FBN2: variants seen among roughly 807,000 people sequenced by gnomAD.
FBN2 encodes fibrillin-2.
FBN2 carries 105 observed loss-of-function variants against 355.6 expected under a neutral mutation model. The observed-to-expected ratio is 0.30, with a 90% CI of 0.25 to 0.35. The LOEUF (loss-of-function observed/expected upper bound fraction) is 0.35. FBN2 is among the 10% of genes least tolerant of loss of function. The pLI, the probability that FBN2 is intolerant of heterozygous loss-of-function variation, is 1.00. For synonymous variants in FBN2, 1,350 were observed against 1,301.2 expected (o/e 1.04, Z -0.81); for missense variants, 3,280 against 3,758.7 (o/e 0.87, Z 3.33).
intron 6 of FBN2, among the ~76,000 whole-genome samples, chr5:128,463,432 ATG>A (rs1361429032): frequency 2.0e-5 from 3 of 152,144 alleles, no homozygotes; most frequent in Admixed American, 1.3e-4. Context: ...CAGCTCACAT[ATG>A]TGAGCTTTCA....
chr5:128,291,906 C>T (rs1475881328), intron 48 of FBN2, among the ~76,000 whole-genome samples: 1 of 152,124 alleles, frequency 6.6e-6, no homozygotes, highest in Non-Finnish European at 1.5e-5. Context: ...TGTATGTCTA[C>T]CTGCCTACCT....
intron 21 of FBN2, among the ~76,000 whole-genome samples, chr5:128,350,320 G>T (rs1441171761): frequency 1.3e-5 from 2 of 152,316 alleles, no homozygotes; most frequent in African/African-American, 4.8e-5. Context: ...AGCACTTTGG[G>T]AGGGTGGATT....
chr5:128,452,883 T>C (rs1291840940), intron 6 of FBN2, among the ~76,000 whole-genome samples: 2 of 152,142 alleles, frequency 1.3e-5, no homozygotes, highest in Non-Finnish European at 2.9e-5. Flanking sequence ...TCATCCCTCC[T>C]CTCAGCCTCC....
Position 128,537,448 on chromosome 5 carries a change from T to C in FBN2, c.156A>G (p.Ala52=). 1.2e-6 allele frequency: 2 copies of C among 1,608,008 alleles called. No homozygotes were observed. Among genetic ancestry groups the C allele is most frequent in the Non-Finnish European group, 1.7e-6 (2 of 1,178,384 alleles). Residue 52 remains alanine, a synonymous_variant, in exon 1 of 65, where the codon GCA becomes GCG. Coordinates refer to ENST00000262464, the MANE Select transcript of FBN2 (RefSeq NM_001999.4). The stretch of plus-strand genomic sequence containing the variant: ...GCGCTAGAAACCCGCCTTCAGAGCC[T>C]GCTGTAGCGGACCGAACCTGTTGCG... The part of the protein sequence containing the change: ...PPPQQVRSAT[A]GSEGGFLAPE...
chr5:128,513,097 G>C (rs188534204), intron 5 of FBN2, among the ~76,000 whole-genome samples: 12 of 152,262 alleles, frequency 7.9e-5, no homozygotes, highest in Middle Eastern at 3.4e-3. Flanking sequence ...CATGTGTCAG[G>C]CACACTGCCT....
intron 63 of FBN2, among the ~76,000 whole-genome samples, chr5:128,262,421 G>T (rs1764998764): frequency 6.6e-6 from 1 of 152,118 alleles, no homozygotes; most frequent in African/African-American, 2.4e-5. Flanking sequence ...TCTTCTGAGG[G>T]TGAGCCCCAT....
chr5:128,441,477 T>A (rs546294946), intron 7 of FBN2, among the ~76,000 whole-genome samples: 3 of 152,348 alleles, frequency 2.0e-5, no homozygotes, highest in Admixed American at 2.0e-4. Flanking sequence ...TTACTTGGCC[T>A]CTTTGTGCCT....
intron 5 of FBN2, among the ~76,000 whole-genome samples, chr5:128,473,338 C>T: frequency 6.6e-6 from 1 of 152,176 alleles, no homozygotes. Context: ...TGAATTTTGA[C>T]AGCAACTCAT....
At chr5:128,335,371 G>T in intron 29 of FBN2, 76 bp from the exon 30 acceptor site, 1 of 1,611,182 alleles carries the variant, frequency 6.2e-7, no homozygotes, top group South Asian at 1.1e-5. Flanking sequence ...TTTTCTATCT[G>T]GTTCCACTTG....
At chr5:128,381,064 A>C (rs947737830) in intron 11 of FBN2, among the ~76,000 whole-genome samples, 3 of 152,092 alleles carry the variant, frequency 2.0e-5, no homozygotes, top group Non-Finnish European at 4.4e-5. Context: ...CCAACTTAGA[A>C]AAGGCTTTGT....
chr5:128,456,338 G>A (rs331067), intron 6 of FBN2, among the ~76,000 whole-genome samples: 20,716 of 152,176 alleles, frequency 0.14, 2,472 homozygotes, highest in East Asian at 0.67. Flanking sequence ...CTGCAGTCTC[G>A]GGATCAGCAG....
chr5:128,294,173 T>A (rs1395577893), intron 48 of FBN2, among the ~76,000 whole-genome samples: 1 of 152,202 alleles, frequency 6.6e-6, no homozygotes, highest in African/African-American at 2.4e-5. Flanking sequence ...GAACTCATCA[T>A]TTTTTATGGC....
chr5:128,361,481 G>A (rs957625991), intron 19 of FBN2, among the ~76,000 whole-genome samples: 11 of 152,014 alleles, frequency 7.2e-5, no homozygotes, highest in African/African-American at 2.7e-4. Flanking sequence ...TTTTTTATCC[G>A]CTTTAAAATG....
At chr5:128,494,070 G>T (rs1401431428) in intron 5 of FBN2, among the ~76,000 whole-genome samples, 1 of 152,154 alleles carries the variant, frequency 6.6e-6, no homozygotes, top group Non-Finnish European at 1.5e-5. Flanking sequence ...TTAAGCTGGA[G>T]ACACAGATAT....
At chr5:128,270,579 A>C (rs1190801424) in intron 62 of FBN2, among the ~76,000 whole-genome samples, 1 of 152,220 alleles carries the variant, frequency 6.6e-6, no homozygotes, top group Non-Finnish European at 1.5e-5. Context: ...ATCATTCAGG[A>C]CACAGGCATG....
intron 19 of FBN2, 129 bp downstream of exon 19, chr5:128,361,594 T>G (rs1751638797): frequency 8.3e-7 from 1 of 1,200,666 alleles, no homozygotes; most frequent in Non-Finnish European, 1.2e-6. Context: ...GCAGATTAGC[T>G]AAATGAGATT....
intron 26 of FBN2, among the ~76,000 whole-genome samples, chr5:128,338,472 A>C (rs1020567730): frequency 6.6e-6 from 1 of 152,176 alleles, no homozygotes; most frequent in Non-Finnish European, 1.5e-5. Flanking sequence ...AGAATCTTAG[A>C]CTTATAACCT....
intron 19 of FBN2, among the ~76,000 whole-genome samples, chr5:128,358,978 T>C (rs1458084955): frequency 6.6e-6 from 1 of 152,046 alleles, no homozygotes; most frequent in East Asian, 1.9e-4. Flanking sequence ...AACCAGGAAT[T>C]GAAACAGTTC....
At chr5:128,433,856 T>C (rs549919013) in intron 7 of FBN2, among the ~76,000 whole-genome samples, 1 of 152,296 alleles carries the variant, frequency 6.6e-6, no homozygotes, top group African/African-American at 2.4e-5. Context: ...ATGTGAAATA[T>C]GAAACCACAG....
Sources: allele counts gnomAD v4.1 joint callset (sites outside exome capture counted in the v4.1 genomes callset), GRCh38; gene constraint gnomAD v4.1.1; transcripts MANE v1.5; gene names NCBI Gene and HGNC (gene_info 2026-07-23, HGNC 2026-07-21).